Variants in LRRIQ1 observed in about 807,000 individuals in gnomAD.
LRRIQ1 encodes the protein leucine rich repeats and IQ motif containing 1, also known as leucine-rich repeat- and IQ domain-containing protein 1.
Under a neutral mutation model 211.9 loss-of-function variants are expected in LRRIQ1, and 210 were observed. The observed-to-expected ratio is 0.99, with a 90% CI of 0.89 to 1.11. The LOEUF (loss-of-function observed/expected upper bound fraction) is 1.11, where lower values mean the gene tolerates loss of function less well. Among genes scored for constraint, LRRIQ1 ranks in the 50% most tolerant of loss-of-function variants. LRRIQ1 has a pLI of 0.00. For missense variants in LRRIQ1, 2,136 were observed against 1,939.5 expected (o/e 1.10, Z -1.90); for synonymous variants, 699 against 650.1 (o/e 1.08, Z -1.14).
At chr12:85,242,126 T>C (rs1221340406) in intron 26 of LRRIQ1, among the ~76,000 whole-genome samples, 3 of 152,040 alleles carry the variant, frequency 2.0e-5, no homozygotes, top group African/African-American at 7.2e-5. Context: ...GCCATTATGT[T>C]GTATGTGAGA....
intron 26 of LRRIQ1, among the ~76,000 whole-genome samples, chr12:85,243,152 C>G (rs1895539883): frequency 6.7e-6 from 1 of 149,248 alleles, no homozygotes; most frequent in Non-Finnish European, 1.5e-5. Flanking sequence ...CCTAAGTAGC[C>G]TCTCCAAAAT....
chr12:85,161,177 T>A lies in LRRIQ1; in HGVS notation c.4822+463T>A, dbSNP rs1232805482. ...AAGTTTGCCCAACTCACTGTTGGAG[T>A]GAAGGATTTGCACATCTAGGTGGTG... On this transcript the variant is annotated intron_variant, in intron 24 of 26. Coordinates refer to ENST00000393217, the MANE Select transcript of LRRIQ1 (RefSeq NM_001079910.2). Among the ~76,000 whole-genome samples the A allele has an allele frequency of 2.0e-5, 3 of 152,026 alleles. No homozygotes were observed. The East Asian group carries it at 5.8e-4, about 29-fold the overall frequency.
intron 18 of LRRIQ1, among the ~76,000 whole-genome samples, chr12:85,136,201 C>T (rs1032594860): frequency 2.1e-5 from 3 of 144,834 alleles, no homozygotes; most frequent in Non-Finnish European, 4.6e-5. Flanking sequence ...CACACACATA[C>T]GTATACAGTG....
chr12:85,058,738 G>T (rs1443596253), intron 8 of LRRIQ1, among the ~76,000 whole-genome samples: 2 of 151,888 alleles, frequency 1.3e-5, no homozygotes, highest in Non-Finnish European at 2.9e-5. Context: ...AAAATCTATA[G>T]AATACCTGAA....
chr12:85,168,321 CAT>C lies in LRRIQ1; in HGVS notation c.4822+7610_4822+7611del, dbSNP rs1891250160. Reference sequence around the variant, plus strand: ...ACCCTAAGGGATCTCCTGTCCCACTCATATTCCGCCTTACCTCCATCATGAAG... The same window carrying C: ...ACCCTAAGGGATCTCCTGTCCCACTCATTCCGCCTTACCTCCATCATGAAG... On this transcript the variant is annotated intron_variant, in intron 24 of 26. Transcript: ENST00000393217. Among the ~76,000 whole-genome samples the C allele has an allele frequency of 2.6e-5, 4 of 152,252 alleles. No homozygotes were observed. The Middle Eastern group carries it at 0.014, about 518-fold the overall frequency.
chr12:85,268,133 A>G (rs999413279), downstream of LRRIQ1, among the ~76,000 whole-genome samples: 1 of 151,682 alleles, frequency 6.6e-6, no homozygotes, highest in Non-Finnish European at 1.5e-5. Flanking sequence ...CCATGAAATG[A>G]TGGGAAATAT....
chr12:85,266,307 G>C (rs1010200198), downstream of LRRIQ1, among the ~76,000 whole-genome samples: 3 of 152,042 alleles, frequency 2.0e-5, no homozygotes, highest in African/African-American at 7.2e-5. Flanking sequence ...TTGACATCCT[G>C]TTGGATCATA....
chr12:85,207,721 GATTCT>G (rs1490309023), intron 24 of LRRIQ1, among the ~76,000 whole-genome samples: 4 of 152,110 alleles, frequency 2.6e-5, no homozygotes, highest in African/African-American at 9.7e-5. Flanking sequence ...TCTGGGTTTA[GATTCT>G]TTTTTTGGGA....
chr12:85,243,936 T>A (rs1434895857), intron 26 of LRRIQ1, among the ~76,000 whole-genome samples: 1 of 151,522 alleles, frequency 6.6e-6, no homozygotes, highest in African/African-American at 2.4e-5. Context: ...TAAGTTTTCC[T>A]AACATCAAAC....
At chr12:85,122,192 C>T (rs1188116033) in intron 16 of LRRIQ1, among the ~76,000 whole-genome samples, 1 of 152,018 alleles carries the variant, frequency 6.6e-6, no homozygotes, top group Non-Finnish European at 1.5e-5. Flanking sequence ...TTATTGTAGG[C>T]AAGACTATTT....
chr12:85,123,071 A>G (rs1350305306), intron 16 of LRRIQ1, among the ~76,000 whole-genome samples: 1 of 151,972 alleles, frequency 6.6e-6, no homozygotes, highest in African/African-American at 2.4e-5. Flanking sequence ...ACAAGTAACC[A>G]TAAACACTTA....
At chr12:85,261,589 G>A (rs943784207) in intron 1 of LRRIQ1, among the ~76,000 whole-genome samples, 3 of 150,968 alleles carry the variant, frequency 2.0e-5, no homozygotes, top group African/African-American at 7.3e-5. Context: ...AAGCACGAAA[G>A]CATCACAATG....
intron 11 of LRRIQ1, among the ~76,000 whole-genome samples, chr12:85,074,231 C>G (rs1030909861): frequency 1.3e-5 from 2 of 151,790 alleles, no homozygotes; most frequent in Non-Finnish European, 2.9e-5. Context: ...GTTTTCCATT[C>G]TAATTAAACT....
chr12:85,244,225 G>A (rs1243918345), intron 26 of LRRIQ1, among the ~76,000 whole-genome samples: 1 of 151,274 alleles, frequency 6.6e-6, no homozygotes, highest in Non-Finnish European at 1.5e-5. Context: ...ATAATGTCCT[G>A]AAATATCTAT....
chr12:85,261,755 T>G (rs976980091), intron 1 of LRRIQ1, among the ~76,000 whole-genome samples: 2 of 147,276 alleles, frequency 1.4e-5, no homozygotes, highest in African/African-American at 5.1e-5. Context: ...AATTTTTATT[T>G]TTTTGTTTAT....
intron 13 of LRRIQ1, among the ~76,000 whole-genome samples, chr12:85,099,894 C>T (rs1018798828): frequency 2.0e-5 from 3 of 151,626 alleles, no homozygotes; most frequent in Non-Finnish European, 4.4e-5. Context: ...CATTGAAAAA[C>T]AAATATGTAT....
chr12:85,162,321 GTATA>G (rs57791807), intron 24 of LRRIQ1, among the ~76,000 whole-genome samples: 3 of 152,122 alleles, frequency 2.0e-5, no homozygotes, highest in African/African-American at 7.2e-5. Flanking sequence ...TAATCATTGA[GTATA>G]TTTCATTGTT....
chr12:85,201,554 G>A (rs75175693), intron 24 of LRRIQ1, among the ~76,000 whole-genome samples: 1 of 151,918 alleles, frequency 6.6e-6, no homozygotes, highest in Admixed American at 6.5e-5. Flanking sequence ...ATTTCCTGTA[G>A]GTTTTCTAGT....
chr12:85,140,238 A>G (rs1889434297), intron 19 of LRRIQ1, among the ~76,000 whole-genome samples: 3 of 151,284 alleles, frequency 2.0e-5, no homozygotes, highest in Non-Finnish European at 1.5e-5. Context: ...GGAAAATACT[A>G]TTTCATAATG....
Sources: gnomAD v4.1 joint callset for allele counts (sites outside exome capture counted in the v4.1 genomes callset) on GRCh38, gnomAD v4.1.1 for gene constraint, MANE v1.5 for transcripts, NCBI Gene and HGNC (gene_info 2026-07-23, HGNC 2026-07-21) for gene names.